FSTL5: variants seen among roughly 807,000 people sequenced by gnomAD.
The protein encoded by FSTL5 is follistatin like 5, also known as follistatin-related protein 5.
A neutral mutation model predicts 89.1 loss-of-function variants in FSTL5; 62 were observed. That is an observed-to-expected ratio of 0.70 (90% CI 0.57 to 0.86). The LOEUF is 0.86. FSTL5 is among the 40% of genes least tolerant of loss of function. FSTL5 has a pLI of 0.00. For missense variants in FSTL5, 1,057 were observed against 1,001.6 expected (o/e 1.06, Z -0.75); for synonymous variants, 383 against 346.2 (o/e 1.11, Z -1.18).
intron 8 of FSTL5, among the ~76,000 whole-genome samples, chr4:161,560,902 A>G (rs1732572525): frequency 6.6e-6 from 1 of 152,052 alleles, no homozygotes; most frequent in South Asian, 2.1e-4. Flanking sequence ...TAAAATGCGT[A>G]GTAAACATAT....
At chr4:162,160,975 A>C (rs1202923615) in intron 1 of FSTL5, among the ~76,000 whole-genome samples, 1 of 151,902 alleles carries the variant, frequency 6.6e-6, no homozygotes, top group Non-Finnish European at 1.5e-5. Context: ...TTCATTTTTG[A>C]CTCAATTTTT....
At chr4:162,106,050 G>A (rs374971802) in intron 2 of FSTL5, among the ~76,000 whole-genome samples, 1 of 151,798 alleles carries the variant, frequency 6.6e-6, no homozygotes, top group Non-Finnish European at 1.5e-5. Context: ...CTTTAATATC[G>A]AAAGTTAAAA....
At chr4:161,657,038 A>G (rs1032464680) in intron 6 of FSTL5, among the ~76,000 whole-genome samples, 1 of 152,222 alleles carries the variant, frequency 6.6e-6, no homozygotes, top group Non-Finnish European at 1.5e-5. Flanking sequence ...TGTCTTTACC[A>G]GATCGCACTG....
At chr4:161,473,382 GA>G (rs1411252148) in intron 13 of FSTL5, among the ~76,000 whole-genome samples, 1 of 147,650 alleles carries the variant, frequency 6.8e-6, no homozygotes, top group Non-Finnish European at 1.5e-5. Flanking sequence ...TTGCTGTATT[GA>G]TTTTTTTATT....
chr4:161,791,135 A>G (rs1439699190), intron 4 of FSTL5, among the ~76,000 whole-genome samples: 1 of 152,140 alleles, frequency 6.6e-6, no homozygotes, highest in Non-Finnish European at 1.5e-5. Flanking sequence ...TTTAGCACTT[A>G]ATTTGTGAAA....
intron 15 of FSTL5, chr4:161,388,496 A>AT (rs1347553558): frequency 2.0e-5 from 3 of 152,104 alleles, no homozygotes; most frequent in Non-Finnish European, 4.4e-5. Flanking sequence ...CATAAACATC[A>AT]TAAGTACCAC....
chr4:161,995,269 C>A (rs1300339148), intron 3 of FSTL5, among the ~76,000 whole-genome samples: 2 of 152,044 alleles, frequency 1.3e-5, no homozygotes, highest in South Asian at 4.1e-4. Flanking sequence ...ACATCCATAG[C>A]ATTAGTTACT....
At chr4:161,598,969 C>A (rs1734136142) in intron 7 of FSTL5, among the ~76,000 whole-genome samples, 1 of 151,812 alleles carries the variant, frequency 6.6e-6, no homozygotes, top group Non-Finnish European at 1.5e-5. Flanking sequence ...ATGAAGAAAT[C>A]ATTTTAAAAG....
chr4:162,109,385 A>C (rs1029795239), intron 2 of FSTL5, among the ~76,000 whole-genome samples: 2 of 152,054 alleles, frequency 1.3e-5, no homozygotes, highest in Admixed American at 6.6e-5. Context: ...ACATTCACCA[A>C]ATCTCATCTC....
At position 161,524,658 on chromosome 4, in the gene FSTL5, C is replaced by T. The variant is rs557220817; in HGVS notation, c.1312+13508G>A. ...TATTACACAAAGTTAACCAAACCCA[C>T]CATGTATTAATATTCGCTGGCCTGG... is the stretch of plus-strand genomic sequence containing the variant. On this transcript the variant is annotated intron_variant, in intron 10 of 15. Coordinates refer to ENST00000306100, the MANE Select transcript of FSTL5 (RefSeq NM_020116.5). 2.0e-5 allele frequency among the ~76,000 whole-genome samples: 3 copies of T among 152,160 alleles called. No individual in the cohort carries two copies. The South Asian group carries it at 6.2e-4, about 32-fold the overall frequency.
intron 3 of FSTL5, among the ~76,000 whole-genome samples, chr4:161,963,294 T>G (rs972646630): frequency 6.6e-6 from 1 of 152,072 alleles, no homozygotes; most frequent in African/African-American, 2.4e-5. Context: ...ATTTTTAAAT[T>G]CCTCACATAT....
intron 8 of FSTL5, among the ~76,000 whole-genome samples, chr4:161,586,095 A>G (rs751176090): frequency 6.6e-6 from 1 of 152,188 alleles, no homozygotes; most frequent in Non-Finnish European, 1.5e-5. Context: ...ATTGATTTCC[A>G]GTACACGTAC....
At chr4:161,923,447 TAAGC>T (rs1043684757) in intron 3 of FSTL5, among the ~76,000 whole-genome samples, 5 of 151,926 alleles carry the variant, frequency 3.3e-5, no homozygotes, top group African/African-American at 1.2e-4. Context: ...AGTTTTTAAT[TAAGC>T]AAATTGTTAA....
chr4:161,981,051 C>A (rs1445192586), intron 3 of FSTL5, among the ~76,000 whole-genome samples: 1 of 152,056 alleles, frequency 6.6e-6, no homozygotes, highest in African/African-American at 2.4e-5. Context: ...TGAGCCACTG[C>A]GCCCAGCCAC....
At chr4:162,050,657 T>C (rs943575833) in intron 2 of FSTL5, among the ~76,000 whole-genome samples, 2 of 150,810 alleles carry the variant, frequency 1.3e-5, no homozygotes, top group African/African-American at 4.8e-5. Flanking sequence ...ACTTCAGATA[T>C]ATTTTACTTA....
chr4:162,152,951 C>G (rs1733288104), intron 1 of FSTL5, among the ~76,000 whole-genome samples: 1 of 151,462 alleles, frequency 6.6e-6, no homozygotes, highest in African/African-American at 2.4e-5. Context: ...ACAAGAAAAC[C>G]ACAAAAAGTA....
chr4:161,801,500 T>C (rs1217078125), intron 4 of FSTL5, among the ~76,000 whole-genome samples: 1 of 151,478 alleles, frequency 6.6e-6, no homozygotes, highest in Non-Finnish European at 1.5e-5. Context: ...GAGAGCCTTC[T>C]ATTTTATCAT....
At chr4:161,435,497 A>G (rs1390267520) in intron 15 of FSTL5, among the ~76,000 whole-genome samples, 1 of 151,642 alleles carries the variant, frequency 6.6e-6, no homozygotes, top group Admixed American at 6.6e-5. Flanking sequence ...TAGAATGAAT[A>G]AAATCTAGTA....
At chr4:161,457,614 A>G (rs1021981105) in intron 14 of FSTL5, among the ~76,000 whole-genome samples, 7 of 152,162 alleles carry the variant, frequency 4.6e-5, no homozygotes, top group African/African-American at 1.7e-4. Context: ...AGAAAATTGT[A>G]TAATAAAAAT....
Sources: gnomAD v4.1 joint callset for allele counts (sites outside exome capture counted in the v4.1 genomes callset) on GRCh38, gnomAD v4.1.1 for gene constraint, MANE v1.5 for transcripts, NCBI Gene and HGNC (gene_info 2026-07-23, HGNC 2026-07-21) for gene names.